PARP8: variants seen among roughly 807,000 people sequenced by gnomAD.
PARP8 encodes protein mono-ADP-ribosyltransferase PARP8.
PARP8 carries 51 observed loss-of-function variants against 124.1 expected under a neutral mutation model. The ratio of observed to expected loss-of-function variants is 0.41; its 90% CI spans 0.33 to 0.52. The LOEUF is 0.52. PARP8 is among the 20% of genes least tolerant of loss of function. PARP8 has a pLI of 0.21. For missense variants in PARP8, 860 were observed against 1,018.9 expected (o/e 0.84, Z 2.12); for synonymous variants, 391 against 361.5 (o/e 1.08, Z -0.93).
At chr5:50,737,006 A>T (rs918262735) in intron 2 of PARP8, among the ~76,000 whole-genome samples, 1 of 152,140 alleles carries the variant, frequency 6.6e-6, no homozygotes, top group East Asian at 1.9e-4. Context: ...TGCTTTCTTG[A>T]GGCTAGAAAA....
intron 18 of PARP8, among the ~76,000 whole-genome samples, chr5:50,825,793 C>T (rs1166460495): frequency 2.0e-5 from 3 of 152,038 alleles, no homozygotes; most frequent in African/African-American, 7.2e-5. Context: ...ATGCTACGAC[C>T]AGGAAGTTTT....
intron 2 of PARP8, among the ~76,000 whole-genome samples, chr5:50,687,017 G>C (rs1751944910): frequency 6.6e-6 from 1 of 152,064 alleles, no homozygotes; most frequent in South Asian, 2.1e-4. Context: ...AGTTACTTAT[G>C]CAAATTTCTG....
chr5:50,720,866 A>C (rs1302731944), intron 2 of PARP8, among the ~76,000 whole-genome samples: 1 of 151,860 alleles, frequency 6.6e-6, no homozygotes, highest in Admixed American at 6.6e-5. Flanking sequence ...GGAAAGGGGC[A>C]TCTCTTCTTT....
At position 50,760,239 on chromosome 5, in the gene PARP8, G is replaced by A. The variant is rs139195302; in HGVS notation, c.275-53G>A. On this transcript the variant is annotated intron_variant, in intron 4 of 25. Coordinates refer to ENST00000281631, the MANE Select transcript of PARP8 (RefSeq NM_024615.4). The stretch of plus-strand genomic sequence containing the variant: ...TTATACCAAAACTTATGAATGCTTG[G>A]TAAATAGCATACTAAGTATCATAAT... 426 of 1,351,150 alleles carry A rather than the reference G, an allele frequency of 3.2e-4. 5 individuals carry two copies. The East Asian group carries it at 9.4e-3, about 30-fold the overall frequency. The allele number at this position is 1,351,150 out of a possible 1,614,324, so 83.7% of individuals were successfully genotyped here.
At chr5:50,685,623 G>T (rs1327087285) in intron 2 of PARP8, among the ~76,000 whole-genome samples, 2 of 152,122 alleles carry the variant, frequency 1.3e-5, no homozygotes, top group East Asian at 3.9e-4. Context: ...TAGAGATAGG[G>T]TCTCTTTCTG....
intron 14 of PARP8, among the ~76,000 whole-genome samples, chr5:50,814,923 A>G (rs1561420951): frequency 6.6e-6 from 1 of 152,182 alleles, no homozygotes. Context: ...TTTCGTTTGC[A>G]ACAAAACGAG....
At chr5:50,670,586 G>T (rs1196363003) in intron 2 of PARP8, among the ~76,000 whole-genome samples, 16 of 152,186 alleles carry the variant, frequency 1.1e-4, no homozygotes, top group Non-Finnish European at 1.9e-4. Context: ...CCTTTTATTT[G>T]GTGGTCCTCA....
intron 5 of PARP8, 119 bp from the exon 6 acceptor site, chr5:50,761,702 A>G (rs1760562358): frequency 1.7e-6 from 1 of 593,824 alleles, no homozygotes; most frequent in South Asian, 2.1e-5. Flanking sequence ...CTGCACCAAG[A>G]TGTTTTATAT....
intron 2 of PARP8, among the ~76,000 whole-genome samples, chr5:50,726,496 A>G (rs1756444777): frequency 6.6e-6 from 1 of 152,198 alleles, no homozygotes; most frequent in South Asian, 2.1e-4. Flanking sequence ...CATGATTAGC[A>G]TCACTAACCA....
intron 1 of PARP8, 114 bp from the exon 2 acceptor site, chr5:50,667,957 G>T (rs534502710): frequency 1.9e-6 from 3 of 1,593,136 alleles, no homozygotes; most frequent in African/African-American, 2.7e-5. Context: ...TCTAGCCCTT[G>T]CCTTCTGCCC....
chr5:50,827,237 A>G lies in PARP8; in HGVS notation c.1977+434A>G, dbSNP rs192973820. 2.0e-3 allele frequency among the ~76,000 whole-genome samples: 300 copies of G among 152,272 alleles called. 3 individuals are homozygous for G. Among genetic ancestry groups the G allele is most frequent in the African/African-American group, 6.8e-3 (284 of 41,580 alleles). ...AAAAATAATAATTTGTAAAAAGCTA[A>G]TAGACTCTGGATTTCAGTTCTGATC... On this transcript the variant is annotated intron_variant, in intron 19 of 25. Coordinates refer to ENST00000281631, the MANE Select transcript of PARP8 (RefSeq NM_024615.4).
At chr5:50,825,542 G>A (rs532677963) in intron 18 of PARP8, among the ~76,000 whole-genome samples, 2 of 152,156 alleles carry the variant, frequency 1.3e-5, no homozygotes, top group Non-Finnish European at 1.5e-5. Flanking sequence ...GTGAAGAGGA[G>A]AGAAGTCACC....
intron 7 of PARP8, among the ~76,000 whole-genome samples, chr5:50,774,171 A>G (rs1329747039): frequency 2.0e-5 from 3 of 152,240 alleles, no homozygotes; most frequent in Non-Finnish European, 4.4e-5. Context: ...TTATAGATTA[A>G]CAGCATCCCA....
In PARP8 at chr5:50,709,844, AGTGTGT is replaced by A. The variant is rs35238386; in HGVS notation, c.147-40280_147-40275del. 2.0e-3 allele frequency among the ~76,000 whole-genome samples: 259 copies of A among 127,886 alleles called. 2 individuals carry two copies. Among genetic ancestry groups the A allele is most frequent in the East Asian group, 0.011 (45 of 4,188 alleles). The allele number at this position is 127,886 out of a possible 152,430, so 83.9% of individuals were successfully genotyped here. A position where few individuals can be genotyped will look rare whatever the true frequency, so the allele number is the denominator to read the frequency against. ...TGGATGGATGGACTGTTTGTACAAG[AGTGTGT>A]GTGTGTGTGTGTGTGTGTGTGTGTG... On this transcript the variant is annotated intron_variant, in intron 2 of 25. Coordinates refer to ENST00000281631, the MANE Select transcript of PARP8 (RefSeq NM_024615.4).
At chr5:50,770,813 T>C (rs1040386364) in intron 7 of PARP8, among the ~76,000 whole-genome samples, 3 of 152,104 alleles carry the variant, frequency 2.0e-5, no homozygotes, top group African/African-American at 7.2e-5. Flanking sequence ...TCTCTTTACC[T>C]TCACAGAAAA....
At chr5:50,720,235 T>A (rs1392781018) in intron 2 of PARP8, among the ~76,000 whole-genome samples, 1 of 152,070 alleles carries the variant, frequency 6.6e-6, no homozygotes, top group Admixed American at 6.6e-5. Context: ...TTGCATTCAG[T>A]GGGGATTTGG....
intron 4 of PARP8, 39 bp downstream of exon 4, chr5:50,759,771 T>A (rs1206063737): frequency 6.6e-7 from 1 of 1,522,738 alleles, no homozygotes; most frequent in Non-Finnish European, 8.8e-7. Flanking sequence ...GTTAATTTTT[T>A]AAATTGCATT....
At chr5:50,779,837 A>C (rs1740466809) in intron 9 of PARP8, among the ~76,000 whole-genome samples, 1 of 152,212 alleles carries the variant, frequency 6.6e-6, no homozygotes, top group African/African-American at 2.4e-5. Flanking sequence ...CAAATTTATA[A>C]AATACAGGAA....
chr5:50,670,412 A>G (rs1172939990), intron 2 of PARP8, among the ~76,000 whole-genome samples: 1 of 152,264 alleles, frequency 6.6e-6, no homozygotes, highest in Non-Finnish European at 1.5e-5. Flanking sequence ...ATGCTTTCCA[A>G]GAATGAGATA....
Sources: allele counts gnomAD v4.1 joint callset (sites outside exome capture counted in the v4.1 genomes callset), GRCh38; gene constraint gnomAD v4.1.1; transcripts MANE v1.5; gene names NCBI Gene and HGNC (gene_info 2026-07-23, HGNC 2026-07-21).